The following ERC2 variants were observed in gnomAD, a reference collection of about 807,000 sequenced individuals.
ERC2 encodes ELKS/RAB6-interacting/CAST family member 2.
A neutral mutation model predicts 114.8 loss-of-function variants in ERC2; 42 were observed. That is an observed-to-expected ratio of 0.37 (90% CI 0.29 to 0.47). ERC2 has a LOEUF of 0.47. ERC2 is among the 20% of genes least tolerant of loss of function. The pLI, the probability that ERC2 is intolerant of heterozygous loss-of-function variation, is 0.99. For synonymous variants in ERC2, 454 were observed against 425.5 expected, an observed-to-expected ratio of 1.07 and a Z score of -0.82; for missense variants, 939 against 1,150.7, an observed-to-expected ratio of 0.82 and a Z score of 2.66.
intron 17 of ERC2, among the ~76,000 whole-genome samples, chr3:55,513,874 A>G (rs1159562900): frequency 6.6e-6 from 1 of 151,860 alleles, no homozygotes; most frequent in Admixed American, 6.6e-5. Flanking sequence ...GGCTCAAGTG[A>G]TCCACCTGCC....
At chr3:56,128,399 C>T (rs112849636) in intron 6 of ERC2, among the ~76,000 whole-genome samples, 32 of 152,254 alleles carry the variant, frequency 2.1e-4, no homozygotes, top group South Asian at 1.9e-3. Flanking sequence ...TTAAAACTGA[C>T]GCACTGGAGA....
intron 15 of ERC2, among the ~76,000 whole-genome samples, chr3:55,733,503 CTCTCTCATTCTCTCTG>C (rs2065406612): frequency 1.4e-5 from 2 of 143,234 alleles, no homozygotes; most frequent in African/African-American, 5.1e-5. Context: ...GTCTCTCTCT[CTCTCTCATTCTCTCTG>C]TCTCTCATTC....
chr3:56,392,390 T>C (rs980840754), intron 2 of ERC2, among the ~76,000 whole-genome samples: 1 of 152,204 alleles, frequency 6.6e-6, no homozygotes, highest in Non-Finnish European at 1.5e-5. Flanking sequence ...AAAAGTATCC[T>C]CTATCTTTCT....
chr3:55,730,492 T>C (rs1229755446), intron 15 of ERC2, among the ~76,000 whole-genome samples: 1 of 152,238 alleles, frequency 6.6e-6, no homozygotes, highest in African/African-American at 2.4e-5. Flanking sequence ...AAATATTTAC[T>C]GAGCACCTAC....
chr3:55,791,524 T>C (rs761859431), intron 14 of ERC2, among the ~76,000 whole-genome samples: 12 of 152,164 alleles, frequency 7.9e-5, no homozygotes, highest in Non-Finnish European at 1.3e-4. Context: ...CTCAAACACA[T>C]GTATGCTGAG....
At chr3:55,595,444 G>T (rs772485936) in intron 17 of ERC2, among the ~76,000 whole-genome samples, 1 of 152,178 alleles carries the variant, frequency 6.6e-6, no homozygotes, top group Non-Finnish European at 1.5e-5. Flanking sequence ...ACCCTTTTGG[G>T]AGACGGTCAG....
chr3:56,189,987 G>T (rs913900522), intron 3 of ERC2, among the ~76,000 whole-genome samples: 1 of 152,218 alleles, frequency 6.6e-6, no homozygotes, highest in Non-Finnish European at 1.5e-5. Flanking sequence ...TGGCATTAGT[G>T]AGTTTTATAG....
intron 7 of ERC2, among the ~76,000 whole-genome samples, chr3:56,064,032 A>G (rs1024362364): frequency 2.0e-5 from 3 of 152,100 alleles, no homozygotes; most frequent in Non-Finnish European, 2.9e-5. Flanking sequence ...TGGAAAAAAA[A>G]TTTTTTTAAA....
intron 6 of ERC2, among the ~76,000 whole-genome samples, chr3:56,096,832 T>C (rs531289941): frequency 6.6e-6 from 1 of 152,246 alleles, no homozygotes; most frequent in African/African-American, 2.4e-5. Flanking sequence ...TGTATTCTTA[T>C]GTTGTAATGT....
At chr3:56,323,428 A>G (rs2057216254) in intron 2 of ERC2, among the ~76,000 whole-genome samples, 1 of 152,188 alleles carries the variant, frequency 6.6e-6, no homozygotes, top group South Asian at 2.1e-4. Context: ...AAATGCCAGC[A>G]ACAACCACCA....
intron 16 of ERC2, among the ~76,000 whole-genome samples, chr3:55,694,983 A>G (rs1371071081): frequency 6.6e-6 from 1 of 152,214 alleles, no homozygotes; most frequent in Non-Finnish European, 1.5e-5. Context: ...GCTTAATAAA[A>G]TATGACTTTT....
chr3:55,792,795 A>G (rs980642893), intron 14 of ERC2, among the ~76,000 whole-genome samples: 2 of 152,208 alleles, frequency 1.3e-5, no homozygotes, highest in African/African-American at 4.8e-5. Context: ...AATAGCCACA[A>G]ATGAGGCTCT....
rs939540417 is a variant in ERC2 at position 56,078,788 on chromosome 3, A to T, written c.1641+2029T>A. Among the ~76,000 whole-genome samples, 5 of 151,690 alleles carry T rather than the reference A, an allele frequency of 3.3e-5. No individual in the cohort carries two copies. In the East Asian group the frequency reaches 7.7e-4, roughly 23 times the overall value. ...TTGGGTACTAAACATACGGGGGAAAAGTCTGCCTTTTTGGAATTTACATTC... is the reference window on the plus strand; with the variant it reads ...TTGGGTACTAAACATACGGGGGAAATGTCTGCCTTTTTGGAATTTACATTC... On this transcript the variant is annotated intron_variant, in intron 7 of 17. Coordinates refer to ENST00000288221, the MANE Select transcript of ERC2 (RefSeq NM_015576.3).
chr3:55,994,144 C>T (rs1214402136), intron 10 of ERC2, among the ~76,000 whole-genome samples: 1 of 152,044 alleles, frequency 6.6e-6, no homozygotes, highest in Non-Finnish European at 1.5e-5. Flanking sequence ...AGTTAAAAAC[C>T]TTTTCATGAC....
chr3:56,146,638 T>C (rs968052271), intron 5 of ERC2, among the ~76,000 whole-genome samples: 76 of 152,334 alleles, frequency 5.0e-4, no homozygotes, highest in African/African-American at 1.8e-3. Flanking sequence ...AACTACACTA[T>C]TGCATTTTAA....
At chr3:55,974,480 G>T (rs542980405) in intron 12 of ERC2, among the ~76,000 whole-genome samples, 3 of 152,340 alleles carry the variant, frequency 2.0e-5, no homozygotes, top group African/African-American at 7.2e-5. Context: ...TGCTGCTGCG[G>T]TTCTCTAATC....
intron 8 of ERC2, among the ~76,000 whole-genome samples, chr3:56,017,087 C>A (rs1007151781): frequency 6.6e-5 from 10 of 152,142 alleles, no homozygotes; most frequent in Admixed American, 5.9e-4. Context: ...TGGTTTCAAG[C>A]TAAATTTGAA....
intron 7 of ERC2, among the ~76,000 whole-genome samples, chr3:56,025,268 A>G (rs1033598149): frequency 3.9e-5 from 6 of 152,172 alleles, no homozygotes; most frequent in East Asian, 1.9e-4. Context: ...AAGTCAACCC[A>G]TTGTATTAAT....
intron 13 of ERC2, among the ~76,000 whole-genome samples, chr3:55,941,441 G>A (rs2066788127): frequency 6.6e-6 from 1 of 152,124 alleles, no homozygotes; most frequent in South Asian, 2.1e-4. Flanking sequence ...CCCTCCAAAT[G>A]GCTATCTCAG....
Sources: gnomAD v4.1 joint callset for allele counts (sites outside exome capture counted in the v4.1 genomes callset) on GRCh38, gnomAD v4.1.1 for gene constraint, MANE v1.5 for transcripts, NCBI Gene and HGNC (gene_info 2026-07-23, HGNC 2026-07-21) for gene names.